HMGXB3: variants seen among roughly 807,000 people sequenced by gnomAD.
HMGXB3 encodes HMG-box containing 3, also known as HMG domain-containing protein 3.
HMGXB3 carries 45 observed loss-of-function variants against 121.5 expected under a neutral mutation model. The ratio of observed to expected loss-of-function variants is 0.37; its 90% CI spans 0.29 to 0.47. The LOEUF (loss-of-function observed/expected upper bound fraction) is 0.47. Ranked by LOEUF, HMGXB3 falls within the 20% of genes least tolerant of loss-of-function variation. The pLI, the probability that HMGXB3 is intolerant of heterozygous loss-of-function variation, is 0.99. For synonymous variants in HMGXB3, 590 were observed against 624.1 expected (o/e 0.95, Z 0.81); for missense variants, 1,376 against 1,602.2 (o/e 0.86, Z 2.41).
At position 150,041,800 on chromosome 5, in the gene HMGXB3, C is replaced by T. The variant is rs1014399934; in HGVS notation, c.2561C>T (p.Ser854Leu). ...VQEQTEKTLT[S>L]EELSQLQELL... ...CTTCTTTCAGAGAAGACTCTGACCT[C>T]GGAGGAGCTGAGCCAGCTGCAGGAG... The change falls in exon 15 of 20, where the codon TCG becomes TTG. Residue 854 changes from serine (S) to leucine (L), a missense_variant. Coordinates refer to ENST00000502717, the MANE Select transcript of HMGXB3 (RefSeq NM_014983.3). The T allele has an allele frequency of 1.2e-5, 19 of 1,551,204 alleles. No homozygotes were observed. Among genetic ancestry groups the T allele is most frequent in the Admixed American group, 3.9e-5 (2 of 50,970 alleles).
intron 18 of HMGXB3, among the ~76,000 whole-genome samples, chr5:150,049,334 A>G (rs888391128): frequency 1.3e-5 from 2 of 152,030 alleles, no homozygotes; most frequent in African/African-American, 4.8e-5. Context: ...GGTATGGACA[A>G]GGTGGCACTG....
chr5:150,006,751 GT>G (rs1234256092), intron 3 of HMGXB3, 104 bp downstream of exon 3: 5 of 1,013,282 alleles, frequency 4.9e-6, no homozygotes, highest in Non-Finnish European at 7.1e-6. Context: ...TTTGGGAAAA[GT>G]TTCATCGTTT....
intron 13 of HMGXB3, 99 bp downstream of exon 13, chr5:150,037,626 C>G (rs894295797): frequency 1.6e-5 from 17 of 1,058,278 alleles, no homozygotes; most frequent in Non-Finnish European, 1.9e-5. Context: ...TGGGCCTTCT[C>G]AGATGGGGCT....
chr5:150,031,986 G>T (rs918865839), intron 10 of HMGXB3, among the ~76,000 whole-genome samples: 2 of 151,796 alleles, frequency 1.3e-5, no homozygotes, highest in Non-Finnish European at 2.9e-5. Context: ...CATTTAGGGG[G>T]AACTACCCCT....
intron 6 of HMGXB3, among the ~76,000 whole-genome samples, chr5:150,022,460 C>A (rs1756120402): frequency 2.0e-5 from 3 of 152,152 alleles, no homozygotes; most frequent in African/African-American, 7.2e-5. Flanking sequence ...TCTCTCTGAG[C>A]CTGCAGCCTC....
rs114979631 is a variant in HMGXB3 at position 150,026,606 on chromosome 5, C to T, written c.1461-100C>T. ...ATCTGTCTAAAGCTTGACAGTTTAA[C>T]CCCAATACTATCCTCTAAGAAAGCA... On this transcript the variant is annotated intron_variant, in intron 7 of 19. Coordinates refer to ENST00000502717, the MANE Select transcript of HMGXB3 (RefSeq NM_014983.3). The T allele has an allele frequency of 2.3e-4, 239 of 1,022,238 alleles. No homozygotes were observed. In the African/African-American group the frequency reaches 3.3e-3, roughly 14 times the overall value. 63.3% of individuals were successfully genotyped at this position (1,022,238 alleles called of 1,614,324 possible).
At chr5:150,048,811 C>G (rs1019195405) in intron 18 of HMGXB3, 126 bp downstream of exon 18, 42 of 720,292 alleles carry the variant, frequency 5.8e-5, no homozygotes, top group East Asian at 2.7e-4. Flanking sequence ...GCATAGCTGC[C>G]CACGGGTCAG....
chr5:150,012,312 C>T lies in HMGXB3; in HGVS notation c.868C>T (p.Pro290Ser), dbSNP rs972078011. The stretch of plus-strand genomic sequence containing the variant: ...CACACAGTTCATCATGTTGCCTCTG[C>T]CTGCCTACTCGGTTGTGGAGAACCC... Reference protein sequence around the residue: ...PATQFIMLPLPAYSVVENPTS... With the variant: ...PATQFIMLPLSAYSVVENPTS... Residue 290 changes from proline to serine, a missense_variant, in exon 5 of 20, where the codon CCT becomes TCT. This residue lies in a region of HMGXB3 where 1,116 missense variants were observed against 1,369.0 expected (regional missense o/e 0.82). Transcript: ENST00000502717. The T allele has an allele frequency of 2.6e-5, 40 of 1,552,236 alleles. No individual in the cohort carries two copies. The highest frequency in any genetic ancestry group is 3.1e-5 in the Non-Finnish European group (35 of 1,147,122).
At chr5:150,042,992 A>G (rs1468187669) in intron 15 of HMGXB3, among the ~76,000 whole-genome samples, 1 of 152,258 alleles carries the variant, frequency 6.6e-6, no homozygotes, top group Non-Finnish European at 1.5e-5. Flanking sequence ...GAAAGTCTGA[A>G]TAAAATAATA....
At chr5:150,027,248 A>C (rs1756254232) in intron 9 of HMGXB3, 131 bp downstream of exon 9, 3 of 586,120 alleles carry the variant, frequency 5.1e-6, no homozygotes, top group Non-Finnish European at 8.6e-6. Flanking sequence ...GTTAACATGA[A>C]TGATTTATCT....
chr5:150,049,244 T>C (rs1756833208), intron 18 of HMGXB3, among the ~76,000 whole-genome samples: 2 of 152,228 alleles, frequency 1.3e-5, no homozygotes, highest in African/African-American at 4.8e-5. Flanking sequence ...TAGAGCTCTC[T>C]AGGCCAGAGT....
At position 150,024,616 on chromosome 5, in the gene HMGXB3, G is replaced by T. The variant is rs35341726; in HGVS notation, c.1396G>T (p.Val466Leu). The change falls in exon 7 of 20, where the codon GTA becomes TTA. Residue 466 changes from valine (V) to leucine (L), a missense_variant. Physicochemically the swap from Val to Leu is conservative, Grantham distance 32. Coordinates refer to ENST00000502717, the MANE Select transcript of HMGXB3 (RefSeq NM_014983.3). ...TTDNDSPGAD[V>L]PTPSEGTSTS... ...TGACAATGACAGTCCTGGAGCAGAC[G>T]TACCAACACCATCCGAGGGGACAAG... is the stretch of plus-strand genomic sequence containing the variant. 0.068 allele frequency: 105,478 copies of T among 1,551,520 alleles called. 3,802 individuals are homozygous for T. The highest frequency in any genetic ancestry group is 0.1 in the African/African-American group (7,505 of 73,116).
Position 150,040,744 on chromosome 5 carries a change from G to A in HMGXB3, c.2414-4G>A. ...TTTCCTTGTTGCCTCTTCTTAACCT[G>A]CAGGTCTCTTTAATGTGGGGAACAA... On this transcript the variant is annotated splice_polypyrimidine_tract_variant and splice_region_variant and intron_variant, in intron 13 of 19. Coordinates refer to ENST00000502717, the MANE Select transcript of HMGXB3 (RefSeq NM_014983.3). 1 of 1,549,902 alleles carries A rather than the reference G, an allele frequency of 6.5e-7. No individual in the cohort carries two copies. Among genetic ancestry groups the A allele is most frequent in the Non-Finnish European group, 8.7e-7 (1 of 1,146,474 alleles).
chr5:150,012,879 T>G (rs1373569221), intron 5 of HMGXB3, among the ~76,000 whole-genome samples: 1 of 152,226 alleles, frequency 6.6e-6, no homozygotes, highest in East Asian at 1.9e-4. Context: ...TTTAGAAAAT[T>G]TTCAATATCT....
chr5:150,020,720 A>ATCATACCT (rs1396109913), intron 6 of HMGXB3, among the ~76,000 whole-genome samples: 7 of 148,072 alleles, frequency 4.7e-5, no homozygotes, highest in Non-Finnish European at 1.0e-4. Flanking sequence ...ACATCATACC[A>ATCATACCT]TCATACCTGG....
At chr5:150,021,183 T>TA (rs1356106625) in intron 6 of HMGXB3, among the ~76,000 whole-genome samples, 1 of 152,254 alleles carries the variant, frequency 6.6e-6, no homozygotes, top group Non-Finnish European at 1.5e-5. Flanking sequence ...CAAGAGTAGA[T>TA]ACTGTGATTT....
At chr5:150,033,729 A>T (rs1247443535) in intron 11 of HMGXB3, among the ~76,000 whole-genome samples, 3 of 152,026 alleles carry the variant, frequency 2.0e-5, no homozygotes, top group Non-Finnish European at 2.9e-5. Context: ...AATTTATGGG[A>T]TGAGAGTTTG....
rs1401805760 is a variant in HMGXB3, at chr5:150,051,791, A to G, written c.3478A>G (p.Ile1160Val). The G allele has an allele frequency of 6.5e-6, 10 of 1,546,448 alleles. No individual in the cohort carries two copies. In the Admixed American group the frequency reaches 1.2e-4, roughly 18 times the overall value. ...TVDMTETEHS[I>V]QHPVTKTATR... The stretch of plus-strand genomic sequence containing the variant: ...GGACATGACAGAAACTGAGCACTCT[A>G]TCCAGCACCCAGTCACCAAGACTGC... The change falls in exon 20 of 20, where the codon ATC becomes GTC. Residue 1160 changes from isoleucine to valine, a missense_variant. By Grantham distance (29) the Ile-to-Val change is conservative. Coordinates refer to ENST00000502717, the MANE Select transcript of HMGXB3 (RefSeq NM_014983.3).
At chr5:150,038,937 T>G (rs994852171) in intron 13 of HMGXB3, among the ~76,000 whole-genome samples, 2 of 152,230 alleles carry the variant, frequency 1.3e-5, no homozygotes, top group African/African-American at 4.8e-5. Context: ...AACCTAAGTT[T>G]TCATTTCTCT....
Sources: gnomAD v4.1 joint callset for allele counts (sites outside exome capture counted in the v4.1 genomes callset) on GRCh38, gnomAD v4.1.1 for gene constraint, gnomAD v4.1.1 regional missense constraint, MANE v1.5 for transcripts, NCBI Gene and HGNC (gene_info 2026-07-23, HGNC 2026-07-21) for gene names.